The following RIIAD1 variants were observed in gnomAD, a reference collection of about 807,000 sequenced individuals.
The protein encoded by RIIAD1 is regulatory subunit of type II PKA R-subunit domain containing 1, also known as RIIa domain-containing protein 1.
RIIAD1 carries 15 observed loss-of-function variants against 13.3 expected under a neutral mutation model. The observed-to-expected ratio is 1.13, with a 90% confidence interval of 0.76 to 1.74. The LOEUF is 1.74. Among genes scored for constraint, RIIAD1 ranks in the 40% most tolerant of loss-of-function variants. RIIAD1 has a pLI of 0.00. For missense variants in RIIAD1, 121 were observed against 112.2 expected (o/e 1.08, Z -0.35); for synonymous variants, 50 against 43.3 (o/e 1.16, Z -0.61).
Position 151,721,586 on chromosome 1 carries a change from G to C in RIIAD1, c.50G>C (p.Ser17Thr), listed in dbSNP as rs1432875071. 1.2e-5 allele frequency: 16 copies of C among 1,312,892 alleles called. No individual in the cohort carries two copies. Among genetic ancestry groups the C allele is most frequent in the African/African-American group, 1.5e-5 (1 of 65,012 alleles). 81.3% of individuals were successfully genotyped at this position (1,312,892 alleles called of 1,614,324 possible). A position where few individuals can be genotyped will look rare whatever the true frequency, so the allele number is the denominator to read the frequency against. Reference sequence around the variant, plus strand: ...CAGCGGCCCGACCCCGGGGCGCTTAGCGCAGCGCAGCTGGAGCAGCTGCGA... The same window carrying C: ...CAGCGGCCCGACCCCGGGGCGCTTACCGCAGCGCAGCTGGAGCAGCTGCGA... ...LLQRPDPGALSAAQLEQLRKF... is the reference protein window; with the variant it reads ...LLQRPDPGALTAAQLEQLRKF... The change falls in exon 1 of 5, where the codon AGC (serine) becomes ACC (threonine). Residue 17 changes from serine to threonine, a missense_variant. By Grantham distance (58) the Ser-to-Thr change is moderately conservative. Transcript: ENST00000479191.
At chr1:151,713,358 G>A (rs1054552158) in intron 2 of RIIAD1, 1 of 152,220 alleles carries the variant, frequency 6.6e-6, no homozygotes, top group Admixed American at 6.5e-5. Context: ...ACCTGCAGCT[G>A]GTACACATGA....
intron 1 of RIIAD1, 111 bp from the exon 2 acceptor site, chr1:151,721,975 G>C: frequency 1.4e-6 from 1 of 734,286 alleles, no homozygotes; most frequent in Non-Finnish European, 2.4e-6. Context: ...AGCATCCTGG[G>C]GAAAGACTTG....
chr1:151,724,960 C>T (rs1468202258), intron 2 of RIIAD1, among the ~76,000 whole-genome samples: 3 of 151,856 alleles, frequency 2.0e-5, no homozygotes, highest in African/African-American at 4.8e-5. Context: ...CCACCACGCC[C>T]GGCTAATTAT....
At chr1:151,717,815 C>A (rs1673597918), upstream of RIIAD1, among the ~76,000 whole-genome samples, 1 of 152,196 alleles carries the variant, frequency 6.6e-6, no homozygotes, top group South Asian at 2.1e-4. Flanking sequence ...ATTCGGGGAC[C>A]ATTGCTCCCC....
At chr1:151,715,797 T>C (rs1436286278) in intron 4 of RIIAD1, 2 of 1,594,356 alleles carry the variant, frequency 1.3e-6, no homozygotes, top group Admixed American at 1.7e-5. Context: ...TCCCAGCCGC[T>C]CCACCCCTCC....
At chr1:151,714,436 G>T (rs1673284958) in exon 4 of RIIAD1, 1 of 697,348 alleles carries the variant, frequency 1.4e-6, no homozygotes, top group Non-Finnish European at 2.6e-6. Flanking sequence ...AGAAATGCAT[G>T]CATCTACAGC....
chr1:151,712,788 G>A (rs1019040297), intron 2 of RIIAD1, among the ~76,000 whole-genome samples: 11 of 152,208 alleles, frequency 7.2e-5, no homozygotes, highest in African/African-American at 2.7e-4. Context: ...GGGGAGCAAG[G>A]AGAGGGGGCT....
At chr1:151,721,690 G>A in intron 1 of RIIAD1, 70 bp downstream of exon 1, 3 of 919,988 alleles carry the variant, frequency 3.3e-6, no homozygotes, top group Non-Finnish European at 4.4e-6. Context: ...GCCCCAGACT[G>A]GGAAGAGAGC....
intron 2 of RIIAD1, among the ~76,000 whole-genome samples, chr1:151,712,182 C>A (rs1558108848): frequency 1.3e-5 from 2 of 152,176 alleles, no homozygotes; most frequent in Non-Finnish European, 2.9e-5. Context: ...GGCGCAGCAC[C>A]TTTCCTCCCT....
intron 1 of RIIAD1, chr1:151,721,823 G>GGT (rs1216346362): frequency 1.7e-6 from 1 of 578,286 alleles, no homozygotes; most frequent in Admixed American, 3.0e-5. Flanking sequence ...TGAGAGTGCA[G>GGT]GAAGAACTAA....
At chr1:151,721,395 AAGCCCCCGCCCCGG>A (rs1673730804), upstream of RIIAD1, 1 of 415,906 alleles carries the variant, frequency 2.4e-6, no homozygotes, top group African/African-American at 2.1e-5. Context: ...CCCACCCCCC[AAGCCCCCGCCCCGG>A]AGCTCACCCC....
chr1:151,711,941 T>A (rs1010836132), exon 2 of RIIAD1: 2 of 152,176 alleles, frequency 1.3e-5, no homozygotes, highest in African/African-American at 4.8e-5. Flanking sequence ...ACGGCTGATG[T>A]GGATTCGCAC....
chr1:151,721,779 G>A, intron 1 of RIIAD1, 159 bp downstream of exon 1: 1 of 511,110 alleles, frequency 2.0e-6, no homozygotes, highest in Non-Finnish European at 3.4e-6. Context: ...GGACCTCTAG[G>A]CGTCTGATCC....
intron 4 of RIIAD1, chr1:151,714,687 G>T: frequency 6.4e-7 from 1 of 1,551,944 alleles, no homozygotes; most frequent in Non-Finnish European, 8.7e-7. Flanking sequence ...CTGAGGAGGG[G>T]CAGGGGCAGA....
intron 4 of RIIAD1, chr1:151,715,661 T>C (rs1235107710): frequency 1.3e-6 from 2 of 1,515,078 alleles, no homozygotes; most frequent in Non-Finnish European, 1.8e-6. Context: ...TCTTGACAAC[T>C]CTTCAGCCAA....
At chr1:151,727,215 G>A (rs572738133) in intron 2 of RIIAD1, among the ~76,000 whole-genome samples, 76 of 152,244 alleles carry the variant, frequency 5.0e-4, no homozygotes, top group Admixed American at 2.4e-3. Flanking sequence ...GAGGTTGATC[G>A]CGCCACTGTA....
intron 2 of RIIAD1, among the ~76,000 whole-genome samples, chr1:151,713,239 C>T (rs575186199): frequency 6.6e-6 from 1 of 152,224 alleles, no homozygotes; most frequent in Non-Finnish European, 1.5e-5. Context: ...TCCTCACCCC[C>T]ACCCTGGGCT....
Position 151,722,136 on chromosome 1 carries a change from A to G in RIIAD1, c.135A>G (p.Val45=). The G allele has an allele frequency of 6.4e-7, 1 of 1,551,238 alleles. No individual in the cohort carries two copies. Among genetic ancestry groups the G allele is most frequent in the Non-Finnish European group, 8.7e-7 (1 of 1,146,608 alleles). The part of the protein sequence containing the change: ...NEKYLRTHKE[V]EWLISGFFRE... ...AGTACCTAAGGACCCACAAAGAAGT[A>G]GAGTGGCTCATAAGTGGTTTCTTCA... is the stretch of plus-strand genomic sequence containing the variant. The change falls in exon 2 of 5, where the codon GTA becomes GTG. Residue 45 remains valine, a synonymous_variant. Coordinates refer to ENST00000479191, the MANE Select transcript of RIIAD1 (RefSeq NM_001144956.3).
upstream of RIIAD1, among the ~76,000 whole-genome samples, chr1:151,717,453 G>C (rs1673566635): frequency 6.6e-6 from 1 of 152,240 alleles, no homozygotes; most frequent in African/African-American, 2.4e-5. Flanking sequence ...TCTCCCTCTG[G>C]GGGGTTTGTG....
Sources: allele counts gnomAD v4.1 joint callset (sites outside exome capture counted in the v4.1 genomes callset), GRCh38; gene constraint gnomAD v4.1.1; transcripts MANE v1.5; gene names NCBI Gene and HGNC (gene_info 2026-07-23, HGNC 2026-07-21).